Variants in HESX1 observed in about 807,000 individuals in gnomAD.
The protein encoded by HESX1 is HESX homeobox 1.
HESX1 carries 11 observed loss-of-function variants against 22.5 expected under a neutral mutation model. The ratio of observed to expected loss-of-function variants is 0.49; its 90% confidence interval spans 0.31 to 0.81. The LOEUF is 0.81. Among genes scored for constraint, HESX1 ranks in the 30% least tolerant of loss-of-function variants. The pLI, the probability that HESX1 is intolerant of heterozygous loss-of-function variation, is 0.05. For missense variants in HESX1, 201 were observed against 212.6 expected (o/e 0.95, Z 0.34); for synonymous variants, 74 against 76.5 (o/e 0.97, Z 0.17).
rs1157162665 is a variant in HESX1 at position 57,198,926 on chromosome 3, C to T, written c.184G>A (p.Val62Ile). The change falls in exon 2 of 4, where the codon GTC (valine) becomes ATC (isoleucine). Residue 62 changes from valine to isoleucine, a missense_variant. Physicochemically the swap from Val to Ile is conservative, Grantham distance 29. Coordinates refer to ENST00000295934, the MANE Select transcript of HESX1 (RefSeq NM_003865.3). ...SGKDGNLCLH[V>I]PNPPSGISFP... ...GAAATCCCACTGGGAGGATTTGGGA[C>T]ATGTAGACATAAGTTACCATCTTTC... The T allele has an allele frequency of 1.9e-6, 3 of 1,614,068 alleles. No homozygotes were observed. The highest frequency in any genetic ancestry group is 2.5e-6 in the Non-Finnish European group (3 of 1,179,996).
chr3:57,226,691 G>A (rs1411249617), upstream of HESX1, among the ~76,000 whole-genome samples: 4 of 152,210 alleles, frequency 2.6e-5, no homozygotes, highest in South Asian at 8.3e-4. Flanking sequence ...TTGTTCCCAT[G>A]TATCTGTGGA....
At chr3:57,200,717 A>C (rs1252324795), upstream of HESX1, among the ~76,000 whole-genome samples, 2 of 152,234 alleles carry the variant, frequency 1.3e-5, no homozygotes, top group Non-Finnish European at 2.9e-5. Flanking sequence ...ATCACCTTCA[A>C]GCAACTTAGA....
At chr3:57,200,016 G>A (rs1202234308), upstream of HESX1, 10 of 1,021,498 alleles carry the variant, frequency 9.8e-6, no homozygotes, top group East Asian at 4.8e-5. Flanking sequence ...TTATAGCTCC[G>A]CTGACAAGGG....
chr3:57,210,383 C>G (rs917263051), intron 1 of HESX1, among the ~76,000 whole-genome samples: 2 of 152,084 alleles, frequency 1.3e-5, no homozygotes, highest in African/African-American at 2.4e-5. Flanking sequence ...TCATTAACAT[C>G]AGGAAAAACG....
intron 1 of HESX1, among the ~76,000 whole-genome samples, chr3:57,211,789 C>T (rs1345614574): frequency 6.6e-6 from 1 of 151,520 alleles, no homozygotes; most frequent in Non-Finnish European, 1.5e-5. Flanking sequence ...GGTGAGATCG[C>T]GCCACTGCAC....
chr3:57,223,267 C>T (rs183230384), intron 1 of HESX1, among the ~76,000 whole-genome samples: 1 of 152,318 alleles, frequency 6.6e-6, no homozygotes, highest in East Asian at 1.9e-4. Context: ...CACAGAAGGG[C>T]TATGATGCTA....
In HESX1 at chr3:57,222,520, A is replaced by G. The variant is rs113094466; in HGVS notation, c.-111+3776T>C. Among the ~76,000 whole-genome samples, 187 of 152,224 alleles carry G rather than the reference A, an allele frequency of 1.2e-3. 1 individual carries two copies. Among genetic ancestry groups the G allele is most frequent in the African/African-American group, 4.3e-3 (180 of 41,530 alleles). On this transcript the variant is annotated intron_variant, in intron 1 of 2. Transcript: ENST00000495160. ...GCGATCCTCCCACCTCAGCCTCCCAAAATTTTGGGATTACAGCTGTGAGCC... is the reference window on the plus strand; with the variant it reads ...GCGATCCTCCCACCTCAGCCTCCCAGAATTTTGGGATTACAGCTGTGAGCC...
chr3:57,199,635 AT>A (rs200988733), intron 1 of HESX1, 126 bp downstream of exon 1: 8,158 of 527,730 alleles, frequency 0.015, 48 homozygotes, highest in Non-Finnish European at 0.02. Context: ...AAAAAAAAAA[AT>A]AATAAATAAT....
rs180747675 is a variant in HESX1, at chr3:57,211,142, C to T, written c.-110-11114G>A. 9.5e-5 allele frequency among the ~76,000 whole-genome samples: 14 copies of T among 147,242 alleles called. No individual in the cohort carries two copies. The East Asian group carries it at 1.4e-3, about 15-fold the overall frequency. ...CTGAGGCAGGCGAATCGCTTGAACCCGGGAGGTGGAGGTTGTGGTGAGCCA... is the reference window on the plus strand; with the variant it reads ...CTGAGGCAGGCGAATCGCTTGAACCTGGGAGGTGGAGGTTGTGGTGAGCCA... On this transcript the variant is annotated intron_variant, in intron 1 of 2. Coordinates refer to the HESX1 transcript ENST00000495160.
At chr3:57,221,214 G>A (rs2060614201) in intron 1 of HESX1, among the ~76,000 whole-genome samples, 1 of 149,994 alleles carries the variant, frequency 6.7e-6, no homozygotes, top group African/African-American at 2.5e-5. Flanking sequence ...AGTGCAGCCT[G>A]TACTCCATGG....
chr3:57,203,873 G>A (rs999966469), upstream of HESX1, among the ~76,000 whole-genome samples: 2 of 152,118 alleles, frequency 1.3e-5, no homozygotes, highest in African/African-American at 2.4e-5. Context: ...GTTTCACCAT[G>A]TTGGTCAGGC....
chr3:57,199,879 T>A lies in HESX1; in HGVS notation c.40A>T (p.Asn14Tyr). ...SLQEGAQLGE[N>Y]KPSTCSFSIE... ...GAAAAGGAGCAAGTTGAGGGTTTGTTTTCCCCGAGCTGAGCGCCTTCCTGA... is the reference window on the plus strand; with the variant it reads ...GAAAAGGAGCAAGTTGAGGGTTTGTATTCCCCGAGCTGAGCGCCTTCCTGA... Residue 14 changes from asparagine (N) to tyrosine (Y), a missense_variant, in exon 1 of 4, where the codon AAC becomes TAC. By Grantham distance (143) the Asn-to-Tyr change is moderately radical. Transcript: ENST00000295934. The A allele has an allele frequency of 6.2e-7, 1 of 1,614,088 alleles. No homozygotes were observed. Among genetic ancestry groups the A allele is most frequent in the African/African-American group, 1.3e-5 (1 of 75,030 alleles).
chr3:57,209,778 T>C (rs1377291683), intron 1 of HESX1, among the ~76,000 whole-genome samples: 1 of 152,164 alleles, frequency 6.6e-6, no homozygotes, highest in Admixed American at 6.5e-5. Context: ...TAAAATAGTA[T>C]CTTCTGCTGG....
At chr3:57,200,158 A>G (rs2060476922), upstream of HESX1, 1 of 508,590 alleles carries the variant, frequency 2.0e-6, no homozygotes, top group Admixed American at 3.2e-5. Context: ...ACTAATGGCT[A>G]CACCAGGGGG....
chr3:57,206,541 G>C (rs1438274064), intron 1 of HESX1, among the ~76,000 whole-genome samples: 1 of 152,188 alleles, frequency 6.6e-6, no homozygotes, highest in African/African-American at 2.4e-5. Flanking sequence ...AAGAGAAAAT[G>C]TGTTTGTTCA....
chr3:57,202,452 T>A (rs539519076), upstream of HESX1, among the ~76,000 whole-genome samples: 1 of 151,706 alleles, frequency 6.6e-6, no homozygotes, highest in East Asian at 2.0e-4. Flanking sequence ...TCTCCTGCCT[T>A]AGCCTCCTGA....
At chr3:57,211,016 T>C (rs567472636) in intron 1 of HESX1, among the ~76,000 whole-genome samples, 27 of 151,544 alleles carry the variant, frequency 1.8e-4, no homozygotes, top group African/African-American at 6.5e-4. Context: ...GTCGGGAGTT[T>C]GAGACCAGCC....
intron 1 of HESX1, among the ~76,000 whole-genome samples, chr3:57,219,788 T>C (rs1488834359): frequency 1.3e-5 from 2 of 152,202 alleles, no homozygotes; most frequent in East Asian, 1.9e-4. Flanking sequence ...ATTCTGTAGG[T>C]TGTCTGTTTA....
At chr3:57,216,266 G>A (rs767002610) in intron 1 of HESX1, among the ~76,000 whole-genome samples, 1 of 152,164 alleles carries the variant, frequency 6.6e-6, no homozygotes, top group East Asian at 1.9e-4. Context: ...TCATGACCTC[G>A]ACACTTTTCA....
Sources: allele counts gnomAD v4.1 joint callset (sites outside exome capture counted in the v4.1 genomes callset), GRCh38; gene constraint gnomAD v4.1.1; transcripts MANE v1.5; gene names NCBI Gene and HGNC (gene_info 2026-07-23, HGNC 2026-07-21).